CCDC138: variants seen among roughly 807,000 people sequenced by gnomAD.
CCDC138 encodes coiled-coil domain containing 138.
A neutral mutation model predicts 82.3 loss-of-function variants in CCDC138; 66 were observed. The observed-to-expected ratio is 0.80, with a 90% CI of 0.66 to 0.98. CCDC138 has a LOEUF of 0.98. CCDC138 is among the 50% of genes least tolerant of loss of function. The probability of loss-of-function intolerance (pLI) is 0.00; values close to 1 mark genes in which losing one functional copy is unlikely to be tolerated. For missense variants in CCDC138, 816 were observed against 758.9 expected, an observed-to-expected ratio of 1.08 and a Z score of -0.88; for synonymous variants, 297 against 265.4, an observed-to-expected ratio of 1.12 and a Z score of -1.16.
At chr2:108,833,367 A>G (rs978640236) in intron 10 of CCDC138, among the ~76,000 whole-genome samples, 5 of 152,212 alleles carry the variant, frequency 3.3e-5, no homozygotes, top group Non-Finnish European at 5.9e-5. Context: ...AACATTCTCA[A>G]CTTCCTGCTC....
intron 3 of CCDC138, among the ~76,000 whole-genome samples, chr2:108,790,908 C>G (rs1384583752): frequency 6.6e-6 from 1 of 151,800 alleles, no homozygotes; most frequent in Non-Finnish European, 1.5e-5. Context: ...TGCACCACTA[C>G]TCCCAGCTAA....
At chr2:108,817,413 C>T (rs1224178649) in intron 10 of CCDC138, among the ~76,000 whole-genome samples, 2 of 152,052 alleles carry the variant, frequency 1.3e-5, no homozygotes, top group African/African-American at 4.8e-5. Flanking sequence ...CTGCCTCAGT[C>T]TCCCAAGTAG....
intron 13 of CCDC138, among the ~76,000 whole-genome samples, chr2:108,870,459 A>C (rs1361600563): frequency 6.6e-6 from 1 of 152,252 alleles, no homozygotes; most frequent in African/African-American, 2.4e-5. Context: ...ATAATAGCTG[A>C]AAACTTATCA....
At chr2:108,843,961 G>A (rs1440973047) in intron 11 of CCDC138, among the ~76,000 whole-genome samples, 13 of 146,648 alleles carry the variant, frequency 8.9e-5, no homozygotes, top group African/African-American at 3.3e-4. Context: ...CACAATCACG[G>A]CTCACTGCAG....
At chr2:108,871,161 C>T (rs770414692) in intron 13 of CCDC138, among the ~76,000 whole-genome samples, 3 of 151,814 alleles carry the variant, frequency 2.0e-5, no homozygotes, top group African/African-American at 4.8e-5. Flanking sequence ...ACAGAAATGG[C>T]ATGCATTATA....
intron 12 of CCDC138, among the ~76,000 whole-genome samples, chr2:108,853,342 C>G (rs1322149126): frequency 6.6e-6 from 1 of 151,824 alleles, no homozygotes; most frequent in East Asian, 1.9e-4. Flanking sequence ...AATATTGGGC[C>G]CTTAACCATA....
intron 9 of CCDC138, among the ~76,000 whole-genome samples, chr2:108,815,200 G>A (rs1684552654): frequency 6.6e-6 from 1 of 152,068 alleles, no homozygotes; most frequent in Non-Finnish European, 1.5e-5. Context: ...AGAAGAGAAA[G>A]ATAAGTTTCA....
intron 5 of CCDC138, 103 bp downstream of exon 5, chr2:108,794,824 A>T: frequency 1.1e-6 from 1 of 934,738 alleles, no homozygotes; most frequent in Non-Finnish European, 1.6e-6. Flanking sequence ...ATTACTTTAG[A>T]TAAGTTTGTC....
In CCDC138 at chr2:108,812,726, C is replaced by T; in HGVS notation, c.933+18C>T. On this transcript the variant is annotated intron_variant, in intron 8 of 14. Transcript: ENST00000295124. ...ATTTACAGGTAAGTTGCCTGTTCTT[C>T]TCTACAGACAGAAGTATGTTTTTAG... The T allele has an allele frequency of 6.2e-7, 1 of 1,603,902 alleles. No individual in the cohort carries two copies. The highest frequency in any genetic ancestry group is 8.5e-7 in the Non-Finnish European group (1 of 1,171,236).
intron 10 of CCDC138, among the ~76,000 whole-genome samples, chr2:108,823,757 A>T (rs1299651249): frequency 6.6e-6 from 1 of 152,208 alleles, no homozygotes; most frequent in Non-Finnish European, 1.5e-5. Context: ...AAGGCAGGCG[A>T]TTACCTGAGG....
At chr2:108,870,583 CAA>C (rs1210851494) in intron 13 of CCDC138, among the ~76,000 whole-genome samples, 5 of 152,186 alleles carry the variant, frequency 3.3e-5, no homozygotes, top group South Asian at 2.1e-4. Context: ...AAGTAAAAGA[CAA>C]AGAGTATCTG....
In CCDC138 at chr2:108,849,554, C is replaced by T. The variant is rs531441540; in HGVS notation, c.1516+2624C>T. Among the ~76,000 whole-genome samples, 11 of 152,282 alleles carry T rather than the reference C, an allele frequency of 7.2e-5. No individual in the cohort carries two copies. The South Asian group carries it at 2.3e-3, about 32-fold the overall frequency. On this transcript the variant is annotated intron_variant, in intron 12 of 14. Transcript: ENST00000295124. The stretch of plus-strand genomic sequence containing the variant: ...GACAGGCCCTGACACGTCTCCCTGC[C>T]TTCACTCTCTAGTCTCCCTTCACAC...
intron 5 of CCDC138, among the ~76,000 whole-genome samples, chr2:108,797,960 T>G (rs1681178879): frequency 1.2e-5 from 1 of 81,226 alleles, no homozygotes; most frequent in Admixed American, 1.7e-4. Flanking sequence ...TCACGGTGTG[T>G]GATTTTTTTT....
chr2:108,791,886 T>C (rs1185027355), intron 4 of CCDC138, 84 bp downstream of exon 4: 8 of 1,331,894 alleles, frequency 6.0e-6, no homozygotes, highest in African/African-American at 4.5e-5. Flanking sequence ...GTAATAACAC[T>C]GGCCCCCAAG....
At chr2:108,826,622 T>G (rs1686645373) in intron 10 of CCDC138, among the ~76,000 whole-genome samples, 1 of 152,220 alleles carries the variant, frequency 6.6e-6, no homozygotes, top group Non-Finnish European at 1.5e-5. Flanking sequence ...TTGTCTATCC[T>G]TATGCCGGTG....
chr2:108,846,644 TCCAA>T, intron 11 of CCDC138, 90 bp from the exon 12 acceptor site: 1 of 1,121,190 alleles, frequency 8.9e-7, no homozygotes, highest in Non-Finnish European at 1.3e-6. Flanking sequence ...GCTACTGCAT[TCCAA>T]CCTGGGCAAC....
At chr2:108,818,310 A>C (rs1014077949) in intron 10 of CCDC138, among the ~76,000 whole-genome samples, 5 of 152,194 alleles carry the variant, frequency 3.3e-5, no homozygotes, top group African/African-American at 1.2e-4. Context: ...CTGTCTGAAG[A>C]AAAATAATGG....
chr2:108,857,053 T>C (rs1341650548), intron 13 of CCDC138, 83 bp downstream of exon 13: 2 of 261,348 alleles, frequency 7.7e-6, no homozygotes, highest in East Asian at 1.2e-4. Context: ...ACTCCACATA[T>C]CAGATACTAT....
At chr2:108,830,901 G>A (rs1452952559) in intron 10 of CCDC138, among the ~76,000 whole-genome samples, 1 of 151,936 alleles carries the variant, frequency 6.6e-6, no homozygotes, top group Non-Finnish European at 1.5e-5. Context: ...TTGGCCAGGT[G>A]CGGTGGCTCA....
Sources: gnomAD v4.1 joint callset for allele counts (sites outside exome capture counted in the v4.1 genomes callset) on GRCh38, gnomAD v4.1.1 for gene constraint, MANE v1.5 for transcripts, NCBI Gene and HGNC (gene_info 2026-07-23, HGNC 2026-07-21) for gene names.